Variants in ZNF677 observed in about 807,000 individuals in gnomAD.
ZNF677 encodes the protein hypothetical protein MGC48625.
Under a neutral mutation model 8.1 loss-of-function variants are expected in ZNF677, and 5 were observed. The observed-to-expected ratio is 0.62, with a 90% confidence interval of 0.32 to 1.29. ZNF677 has a LOEUF of 1.29. Ranked by LOEUF, ZNF677 falls within the 50% of genes most tolerant of loss-of-function variation. The pLI is 0.05. For missense variants in ZNF677, 685 were observed against 685.9 expected (o/e 1.00, Z 0.01); for synonymous variants, 221 against 225.6 (o/e 0.98, Z 0.18).
rs2091202576 is a variant in ZNF677 at position 53,249,664 on chromosome 19, CATA to C, written c.15+1869_15+1871del. ...TAGTGGGTGATGGTGGACTGGACAA[CATA>C]ATGTTTTACTTTTTAGTCCCTAAGC... On this transcript the variant is annotated intron_variant, in intron 3 of 4. Transcript: ENST00000598513. 3.3e-5 allele frequency among the ~76,000 whole-genome samples: 5 copies of C among 152,232 alleles called. No individual in the cohort carries two copies. In the South Asian group the frequency reaches 6.2e-4, roughly 19 times the overall value.
At chr19:53,245,042 C>A (rs1477097951) in intron 3 of ZNF677, among the ~76,000 whole-genome samples, 1 of 151,994 alleles carries the variant, frequency 6.6e-6, no homozygotes, top group Non-Finnish European at 1.5e-5. Context: ...AATCTGTACA[C>A]CCAAATGCAA....
Position 53,237,030 on chromosome 19 carries a change from T to C in ZNF677, c.1697A>G (p.Asn566Ser), listed in dbSNP as rs1322363586. ...SNLGDHQKSY[N>S]REKHIKYNET... ...ATTATATTTGATATGTTTTTCTCTA[T>C]TATAACTTTTTTGATGATCTCCAAG... The change falls in exon 5 of 5, where the codon AAT becomes AGT. Residue 566 changes from asparagine (N) to serine (S), a missense_variant. Physicochemically the swap from Asn to Ser is conservative, Grantham distance 46. Coordinates refer to ENST00000598513, the MANE Select transcript of ZNF677 (RefSeq NM_182609.4). 2 of 1,602,884 alleles carry C rather than the reference T, an allele frequency of 1.2e-6. No homozygotes were observed. Among genetic ancestry groups the C allele is most frequent in the Non-Finnish European group, 1.7e-6 (2 of 1,176,342 alleles).
At chr19:53,246,590 T>C (rs991813337) in intron 3 of ZNF677, among the ~76,000 whole-genome samples, 1 of 151,450 alleles carries the variant, frequency 6.6e-6, no homozygotes, top group Admixed American at 6.6e-5. Flanking sequence ...TGCTATAGAC[T>C]ACCTGAATGA....
In ZNF677 at chr19:53,235,730, G is replaced by C. The variant is rs576748610; in HGVS notation, c.*1242C>G. 6.6e-6 allele frequency: 1 copy of C among 152,206 alleles called. No homozygotes were observed. Among genetic ancestry groups the C allele is most frequent in the South Asian group, 2.1e-4 (1 of 4,832 alleles). 9.4% of individuals were successfully genotyped at this position (152,206 alleles called of 1,614,324 possible). A position where few individuals can be genotyped will look rare whatever the true frequency, so the allele number is the denominator to read the frequency against. Reference sequence around the variant, plus strand: ...CTCAATGTCCCACCCTACTCTTCTTGTTTCATGGTCATCTTGTACTGTAAC... The same window carrying C: ...CTCAATGTCCCACCCTACTCTTCTTCTTTCATGGTCATCTTGTACTGTAAC... On this transcript the variant is annotated 3_prime_UTR_variant, in exon 5 of 5. Coordinates refer to ENST00000598513, the MANE Select transcript of ZNF677 (RefSeq NM_182609.4).
intron 2 of ZNF677, 85 bp from the exon 3 acceptor site, chr19:53,251,690 T>C (rs1197395425): frequency 2.2e-5 from 21 of 955,584 alleles, no homozygotes; most frequent in Non-Finnish European, 3.2e-5. Flanking sequence ...AGGCTTGATA[T>C]AGAAAAAAGA....
Position 53,238,019 on chromosome 19 carries a change from A to G in ZNF677, c.708T>C (p.Ile236=), listed in dbSNP as rs2090993350. 6.2e-7 allele frequency: 1 copy of G among 1,613,808 alleles called. No homozygotes were observed. The highest frequency in any genetic ancestry group is 1.3e-5 in the African/African-American group (1 of 75,044). ...VSPLPPCVKN[I]CNKYRKILKY... ...TCAAAATCTTCCTATATTTATTACAAATGTTTTTGACACAAGGAGGAAGTG... is the reference window on the plus strand; with the variant it reads ...TCAAAATCTTCCTATATTTATTACAGATGTTTTTGACACAAGGAGGAAGTG... Residue 236 remains isoleucine (I), a synonymous_variant, in exon 5 of 5, where the codon ATT becomes ATC. Coordinates refer to ENST00000598513, the MANE Select transcript of ZNF677 (RefSeq NM_182609.4).
Position 53,237,539 on chromosome 19 carries a change from G to A in ZNF677, c.1188C>T (p.Ile396=). 6.2e-7 allele frequency: 1 copy of A among 1,612,946 alleles called. No homozygotes were observed. Among genetic ancestry groups the A allele is most frequent in the Non-Finnish European group, 8.5e-7 (1 of 1,179,740 alleles). Residue 396 remains isoleucine, a synonymous_variant, in exon 5 of 5, where the codon ATC becomes ATT. Coordinates refer to ENST00000598513, the MANE Select transcript of ZNF677 (RefSeq NM_182609.4). The stretch of plus-strand genomic sequence containing the variant: ...ATATGTAAGGCTTCTCTCCAGTATG[G>A]ATTCTCTTATGTTGGGTAAGGCTTG... ...ERSSLTQHKR[I]HTGEKPYICN...
chr19:53,245,692 C>G (rs1433378898), intron 3 of ZNF677, among the ~76,000 whole-genome samples: 3 of 137,716 alleles, frequency 2.2e-5, no homozygotes, highest in African/African-American at 8.7e-5. Context: ...AGTGCAGCCA[C>G]TATGGAAACA....
In ZNF677 at chr19:53,238,412, C is replaced by T. The variant is rs1568689445; in HGVS notation, c.315G>A (p.Lys105=). 3 of 1,613,932 alleles carry T rather than the reference C, an allele frequency of 1.9e-6. No individual in the cohort carries two copies. Among genetic ancestry groups the T allele is most frequent in the Non-Finnish European group, 1.7e-6 (2 of 1,179,940 alleles). The change falls in exon 5 of 5, where the codon AAG becomes AAA. Residue 105 remains lysine, a synonymous_variant. Transcript: ENST00000598513. ...DLKEVWENMP[K]FDSLWDYDVK... ...CATCATAGTCCCACAGGCTGTCAAA[C>T]TTAGGCATATTTTCCCAGACTTCCT...
At chr19:53,241,671 G>C in intron 4 of ZNF677, 1 of 388,330 alleles carries the variant, frequency 2.6e-6, no homozygotes, top group Non-Finnish European at 4.5e-6. Context: ...AAGGTCAGAA[G>C]CACTTATCCC....
chr19:53,245,843 C>T (rs1427464581), intron 3 of ZNF677, among the ~76,000 whole-genome samples: 6 of 151,938 alleles, frequency 3.9e-5, no homozygotes, highest in Non-Finnish European at 1.5e-5. Context: ...GAAACCTCAT[C>T]TCTATTAAAA....
At chr19:53,242,060 C>T (rs1345305481) in intron 4 of ZNF677, 9 of 393,938 alleles carry the variant, frequency 2.3e-5, no homozygotes, top group African/African-American at 1.9e-4. Flanking sequence ...GCCTCCCGAG[C>T]AGCTGGTATT....
intron 2 of ZNF677, among the ~76,000 whole-genome samples, chr19:53,252,684 G>A (rs980654840): frequency 9.2e-5 from 14 of 152,118 alleles, no homozygotes; most frequent in Admixed American, 2.0e-4. Flanking sequence ...ATGAACAGAC[G>A]GGCTCTGTTG....
chr19:53,251,623 GT>G lies in ZNF677; in HGVS notation c.-55-19del. The G allele has an allele frequency of 1.3e-6, 2 of 1,593,396 alleles. No homozygotes were observed. Among genetic ancestry groups the G allele is most frequent in the Non-Finnish European group, 1.7e-6 (2 of 1,164,782 alleles). On this transcript the variant is annotated intron_variant, in intron 2 of 4. Transcript: ENST00000598513. ...AAGTCAGTCTGTATGTCAAAAATAT[GT>G]TGTTTAATGCTTAAAATCAACACAC...
rs2090966117 is a variant in ZNF677 at position 53,235,571 on chromosome 19, C to T, written c.*1401G>A. On this transcript the variant is annotated 3_prime_UTR_variant, in exon 5 of 5. Coordinates refer to ENST00000598513, the MANE Select transcript of ZNF677 (RefSeq NM_182609.4). ...TCTCTTCAGTTTCCAAAAATAAGACCTATCTATGTTCAATAATCTGTGATA... is the reference window on the plus strand; with the variant it reads ...TCTCTTCAGTTTCCAAAAATAAGACTTATCTATGTTCAATAATCTGTGATA... The T allele has an allele frequency of 6.6e-6, 1 of 152,100 alleles. No individual in the cohort carries two copies. Among genetic ancestry groups the T allele is most frequent in the Admixed American group, 6.6e-5 (1 of 15,262 alleles). The allele number at this position is 152,100 out of a possible 1,614,324, so 9.4% of individuals were successfully genotyped here. A position where few individuals can be genotyped will look rare whatever the true frequency, so the allele number is the denominator to read the frequency against.
At chr19:53,246,529 C>A (rs967943409) in intron 3 of ZNF677, among the ~76,000 whole-genome samples, 21 of 142,382 alleles carry the variant, frequency 1.5e-4, no homozygotes, top group Non-Finnish European at 2.8e-4. Flanking sequence ...CACACACACA[C>A]ACTCACACAC....
chr19:53,243,879 C>A lies in ZNF677; in HGVS notation c.34G>T (p.Asp12Tyr), dbSNP rs2091095445. Residue 12 changes from aspartate (D) to tyrosine (Y), a missense_variant, in exon 4 of 5, where the codon GAT (aspartate) becomes TAT (tyrosine). Coordinates refer to ENST00000598513, the MANE Select transcript of ZNF677 (RefSeq NM_182609.4). ...ALSQGLFTFK[D>Y]VAIEFSQEEW... ...TCTTGAGAGAATTCTATGGCCACAT[C>A]CTTGAATGTAAACAGTCCCTGAAAT... The A allele has an allele frequency of 6.2e-7, 1 of 1,603,026 alleles. No homozygotes were observed. The highest frequency in any genetic ancestry group is 1.3e-5 in the African/African-American group (1 of 74,318).
chr19:53,242,500 C>A, intron 4 of ZNF677: 1 of 397,942 alleles, frequency 2.5e-6, no homozygotes, highest in South Asian at 1.3e-4. Flanking sequence ...ATCTCTCTGT[C>A]AAGTCTTTAC....
intron 4 of ZNF677, chr19:53,240,850 G>A (rs1011738164): frequency 6.6e-6 from 1 of 152,006 alleles, no homozygotes; most frequent in African/African-American, 2.4e-5. Context: ...TGATAATGAT[G>A]TGTCAATGTA....
Sources: allele counts gnomAD v4.1 joint callset (sites outside exome capture counted in the v4.1 genomes callset), GRCh38; gene constraint gnomAD v4.1.1; transcripts MANE v1.5; gene names NCBI Gene and HGNC (gene_info 2026-07-23, HGNC 2026-07-21).